The following ELK1 variants were observed in gnomAD, a reference collection of about 807,000 sequenced individuals.
ELK1 encodes ETS transcription factor ELK1.
For synonymous variants in ELK1, 163 were observed against 176.3 expected, an observed-to-expected ratio of 0.92 and a Z score of 0.60; for missense variants, 254 against 381.5, an observed-to-expected ratio of 0.67 and a Z score of 2.78.
Position 47,637,963 on chromosome X carries a change from C to A in ELK1, c.874G>T (p.Asp292Tyr). 5.0e-6 allele frequency: 6 copies of A among 1,204,891 alleles called. No individual in the cohort carries two copies. Among genetic ancestry groups the A allele is most frequent in the Non-Finnish European group, 6.7e-6 (6 of 892,481 alleles). The change falls in exon 5 of 7, where the codon GAC becomes TAC. Residue 292 changes from aspartate to tyrosine, a missense_variant. Physicochemically the swap from Asp to Tyr is radical, Grantham distance 160. Coordinates refer to ENST00000376983, the MANE Select transcript of ELK1 (RefSeq NM_001114123.3). ...VPARLPAVVMDTAGQAGGHAA... is the reference protein window; with the variant it reads ...VPARLPAVVMYTAGQAGGHAA... Reference sequence around the variant, plus strand: ...TGGCCGCCCGCCTGCCCTGCGGTGTCCATAACAACCGCGGGCAGCCGGGCT... The same window carrying A: ...TGGCCGCCCGCCTGCCCTGCGGTGTACATAACAACCGCGGGCAGCCGGGCT...
Position 47,650,527 on chromosome X carries a change from T to C in ELK1, c.-245A>G, listed in dbSNP as rs776068314. ...CCAGGCCTGGGTTCCGAGGCGGCGGTGGAGGTGGTGGTGGCGGTGGCGGCG... is the reference window on the plus strand; with the variant it reads ...CCAGGCCTGGGTTCCGAGGCGGCGGCGGAGGTGGTGGTGGCGGTGGCGGCG... On this transcript the variant is annotated 5_prime_UTR_variant, in exon 1 of 7. Transcript: ENST00000376983. 9.1e-5 allele frequency: 29 copies of C among 319,274 alleles called. No homozygotes were observed. Among genetic ancestry groups the C allele is most frequent in the Non-Finnish European group, 1.5e-4 (26 of 169,678 alleles). The allele number at this position is 319,274 out of a possible 1,213,427, so 26.3% of individuals were successfully genotyped here.
chrX:47,641,559 C>A, intron 2 of ELK1, 84 bp from the exon 3 acceptor site: 1 of 706,373 alleles, frequency 1.4e-6, no homozygotes, highest in Non-Finnish European at 2.1e-6. Context: ...TTTTTGTCAT[C>A]TTTTCTCCAT....
At chrX:47,642,884 G>T (rs1282734570) in intron 2 of ELK1, among the ~76,000 whole-genome samples, 2 of 111,992 alleles carry the variant, frequency 1.8e-5, no homozygotes, top group Admixed American at 1.9e-4. Flanking sequence ...AGGATTACAG[G>T]TGTGAGATAC....
intron 6 of ELK1, 32 bp from the exon 7 acceptor site, chrX:47,636,959 G>A: frequency 1.7e-6 from 2 of 1,191,600 alleles, no homozygotes. Context: ...GGTCACAGAT[G>A]GGGGCCATTC....
In ELK1 at chrX:47,641,442, C is replaced by T. The variant is rs761107851; in HGVS notation, c.-1G>A. ...GCCACAGCGTCACAGATGGGTCCATCGCTGGGGGAGTGCTCACGCCATCCC... is the reference window on the plus strand; with the variant it reads ...GCCACAGCGTCACAGATGGGTCCATTGCTGGGGGAGTGCTCACGCCATCCC... On this transcript the variant is annotated 5_prime_UTR_variant, in exon 3 of 7. Transcript: ENST00000376983. The T allele has an allele frequency of 6.6e-5, 80 of 1,205,404 alleles. No homozygotes were observed. Among genetic ancestry groups the T allele is most frequent in the Non-Finnish European group, 8.2e-5 (73 of 892,530 alleles).
chrX:47,639,207 C>T lies in ELK1; in HGVS notation c.342G>A (p.Val114=), dbSNP rs1469933722. The T allele has an allele frequency of 8.3e-7, 1 of 1,209,873 alleles. No homozygotes were observed. The highest frequency in any genetic ancestry group is 3.0e-5 in the East Asian group (1 of 33,780). The stretch of plus-strand genomic sequence containing the variant: ...GGGCGGCATGTATAGCAGCAGGGGC[C>T]ACATTTGGCATGGTGGAGGTAACAG... ...EVSVTSTMPN[V]APAAIHAAPG... Residue 114 remains valine (V), a synonymous_variant, in exon 4 of 7, where the codon GTG becomes GTA. Coordinates refer to ENST00000376983, the MANE Select transcript of ELK1 (RefSeq NM_001114123.3).
At chrX:47,646,989 G>A (rs898349997) in intron 2 of ELK1, among the ~76,000 whole-genome samples, 5 of 111,318 alleles carry the variant, frequency 4.5e-5, no homozygotes, top group Non-Finnish European at 7.5e-5. Flanking sequence ...GGCTCTCTCC[G>A]TCTCTACCGT....
Position 47,638,020 on chromosome X carries a change from C to T in ELK1, c.817G>A (p.Glu273Lys), listed in dbSNP as rs1385167733. 8.3e-6 allele frequency: 10 copies of T among 1,209,523 alleles called. No homozygotes were observed. The highest frequency in any genetic ancestry group is 3.0e-5 in the East Asian group (1 of 33,694). ...CCCTCCTGTGGAGGGACTTCTGGCTCGGCCTTGGTGGTTTCTGGCACAAAC... is the reference window on the plus strand; with the variant it reads ...CCCTCCTGTGGAGGGACTTCTGGCTTGGCCTTGGTGGTTTCTGGCACAAAC... ...RGFVPETTKA[E>K]PEVPPQEGVP... Residue 273 changes from glutamate (E) to lysine (K), a missense_variant, in exon 5 of 7, where the codon GAG becomes AAG. Glu to Lys is a moderately conservative substitution (Grantham distance 56, BLOSUM62 1). Coordinates refer to ENST00000376983, the MANE Select transcript of ELK1 (RefSeq NM_001114123.3).
rs192308407 is a variant in ELK1 at position 47,645,202 on chromosome X, C to A, written c.-34-3727G>T. ...TTTTGGAGATGGTCAGTTTCAGAGG[C>A]CTGTCAGACATCTACGGGTATGCTA... On this transcript the variant is annotated intron_variant, in intron 2 of 6. Coordinates refer to ENST00000376983, the MANE Select transcript of ELK1 (RefSeq NM_001114123.3). 2.7e-5 allele frequency among the ~76,000 whole-genome samples: 3 copies of A among 110,986 alleles called. No homozygotes were observed. The Admixed American group carries it at 2.9e-4, about 11-fold the overall frequency.
chrX:47,645,788 A>G (rs538555460), intron 2 of ELK1, among the ~76,000 whole-genome samples: 1 of 112,157 alleles, frequency 8.9e-6, no homozygotes, highest in East Asian at 2.8e-4. Flanking sequence ...CATGGACTCA[A>G]TTACACAATC....
Position 47,636,998 on chromosome X carries a change from G to A in ELK1, c.1188+15C>T, listed in dbSNP as rs753889188. Reference sequence around the variant, plus strand: ...GGTCTCTCACCCTGTCCAAAACGGGGAAAGAGGATCCTACCTGGAAGGAGA... The same window carrying A: ...GGTCTCTCACCCTGTCCAAAACGGGAAAAGAGGATCCTACCTGGAAGGAGA... On this transcript the variant is annotated intron_variant, in intron 6 of 6. Transcript: ENST00000376983. The A allele has an allele frequency of 3.7e-5, 45 of 1,205,778 alleles. No homozygotes were observed. In the South Asian group the frequency reaches 7.0e-4, roughly 19 times the overall value.
rs759095742 is a variant in ELK1 at position 47,639,255 on chromosome X, G to C, written c.294C>G (p.Asp98Glu). ...YPEVAGCSTE[D>E]CPPQPEVSVT... The stretch of plus-strand genomic sequence containing the variant: ...CAGACACCTCTGGCTGGGGCGGGCA[G>C]TCCTCAGTGGAGCACCCTGCGACCT... The change falls in exon 4 of 7, where the codon GAC becomes GAG. Residue 98 changes from aspartate to glutamate, a missense_variant. Coordinates refer to ENST00000376983, the MANE Select transcript of ELK1 (RefSeq NM_001114123.3). 29 of 1,210,613 alleles carry C rather than the reference G, an allele frequency of 2.4e-5. No homozygotes were observed. The highest frequency in any genetic ancestry group is 3.2e-5 in the Non-Finnish European group (29 of 894,964).
At chrX:47,648,149 C>T (rs1182031868) in intron 2 of ELK1, among the ~76,000 whole-genome samples, 3 of 103,719 alleles carry the variant, frequency 2.9e-5, no homozygotes, top group Admixed American at 2.0e-4. Context: ...TTTTTTTTTT[C>T]AGAAAAAGGG....
intron 1 of ELK1, 102 bp from the exon 2 acceptor site, chrX:47,650,128 G>C (rs868470706): frequency 6.4e-4 from 61 of 95,174 alleles, no homozygotes; most frequent in Middle Eastern, 5.6e-3. Flanking sequence ...GGCGGGTGGG[G>C]GTAGGGGTAG....
chrX:47,647,211 G>A (rs766788412), intron 2 of ELK1, among the ~76,000 whole-genome samples: 1 of 101,862 alleles, frequency 9.8e-6, no homozygotes, highest in East Asian at 3.0e-4. Flanking sequence ...ACCCATGCTG[G>A]AGTGCATGGT....
At chrX:47,650,175 G>T (rs1271325310) in intron 1 of ELK1, 149 bp from the exon 2 acceptor site, 10 of 130,270 alleles carry the variant, frequency 7.7e-5, no homozygotes, top group Non-Finnish European at 1.4e-4. Flanking sequence ...CTAAGTTGGC[G>T]TGGGGAAAAA....
intron 3 of ELK1, 66 bp from the exon 4 acceptor site, chrX:47,639,404 G>C (rs979893181): frequency 9.7e-5 from 88 of 906,540 alleles, no homozygotes; most frequent in East Asian, 9.5e-4. Flanking sequence ...AGGGTGTCAG[G>C]GGGGAGGAGG....
Position 47,636,646 on chromosome X carries a change from G to A in ELK1, c.*183C>T. On this transcript the variant is annotated 3_prime_UTR_variant, in exon 7 of 7. Transcript: ENST00000376983. Reference sequence around the variant, plus strand: ...AGAAAACAGAGAAGTTGTGGAAGCTGTGTGTTTTCTGTGGAGGAGATAATG... The same window carrying A: ...AGAAAACAGAGAAGTTGTGGAAGCTATGTGTTTTCTGTGGAGGAGATAATG... 2.3e-6 allele frequency: 1 copy of A among 430,613 alleles called. No individual in the cohort carries two copies. Among genetic ancestry groups the A allele is most frequent in the Non-Finnish European group, 3.9e-6 (1 of 257,559 alleles). The allele number at this position is 430,613 out of a possible 1,213,427, so 35.5% of individuals were successfully genotyped here. A position where few individuals can be genotyped will look rare whatever the true frequency, so the allele number is the denominator to read the frequency against.
chrX:47,649,843 G>GC (rs2058054912), intron 2 of ELK1, 78 bp downstream of exon 2: 1 of 97,944 alleles, frequency 1.0e-5, no homozygotes, highest in South Asian at 5.4e-4. Context: ...TGGGGGGGGG[G>GC]GGTGGTTTTG....
Sources: gnomAD v4.1 joint callset for allele counts (sites outside exome capture counted in the v4.1 genomes callset) on GRCh38, gnomAD v4.1.1 for gene constraint, MANE v1.5 for transcripts, NCBI Gene and HGNC (gene_info 2026-07-23, HGNC 2026-07-21) for gene names.